The following RPRD2 variants were observed in gnomAD, a reference collection of about 807,000 sequenced individuals.
RPRD2 encodes regulation of nuclear pre-mRNA domain-containing protein 2.
A neutral mutation model predicts 104.4 loss-of-function variants in RPRD2; 12 were observed. The observed-to-expected ratio is 0.11, with a 90% confidence interval of 0.07 to 0.19. The LOEUF (loss-of-function observed/expected upper bound fraction) is 0.19. Among genes scored for constraint, RPRD2 ranks in the 10% least tolerant of loss-of-function variants. The pLI, the probability that RPRD2 is intolerant of heterozygous loss-of-function variation, is 1.00. For missense variants in RPRD2, 1,543 were observed against 1,790.1 expected, an observed-to-expected ratio of 0.86 and a Z score of 2.49; for synonymous variants, 714 against 684.9, an observed-to-expected ratio of 1.04 and a Z score of -0.66.
chr1:150,414,974 GACGTGCAT>G (rs1433610945), intron 1 of RPRD2, among the ~76,000 whole-genome samples: 1 of 152,084 alleles, frequency 6.6e-6, no homozygotes, highest in African/African-American at 2.4e-5. Flanking sequence ...AGATAGGAGA[GACGTGCAT>G]ATACATATGT....
In RPRD2 at chr1:150,364,655, CCCGCCGCCGCCG is replaced by C. The variant is rs373198505; in HGVS notation, c.-45_-34del. The C allele has an allele frequency of 1.9e-4, 169 of 895,758 alleles. 1 individual carries two copies. The highest frequency in any genetic ancestry group is 2.5e-4 in the Non-Finnish European group (146 of 587,482). The allele number at this position is 895,758 out of a possible 1,614,324, so 55.5% of individuals were successfully genotyped here. ...ACTCGCAGTGATTGTTTTGCCCGCTCCCGCCGCCGCCGCCGCCGCCGCCGCCAGAGGAGCAGC... is the reference window on the plus strand; with the variant it reads ...ACTCGCAGTGATTGTTTTGCCCGCTCCCGCCGCCGCCGCCAGAGGAGCAGC... On this transcript the variant is annotated 5_prime_UTR_variant, in exon 1 of 11. Transcript: ENST00000369068.
chr1:150,463,425 CTGT>C (rs1440619899), intron 9 of RPRD2, among the ~76,000 whole-genome samples: 1 of 152,144 alleles, frequency 6.6e-6, no homozygotes, highest in Non-Finnish European at 1.5e-5. Context: ...ATGAAAGCTT[CTGT>C]TGTTCCTTAC....
At chr1:150,433,711 T>G (rs1553892471) in intron 2 of RPRD2, among the ~76,000 whole-genome samples, 1 of 120,864 alleles carries the variant, frequency 8.3e-6, no homozygotes, top group East Asian at 1.9e-4. Context: ...CCCAAAGTGC[T>G]GGGATTACCA....
intron 7 of RPRD2, among the ~76,000 whole-genome samples, chr1:150,451,535 C>T (rs1022840578): frequency 6.6e-6 from 1 of 151,788 alleles, no homozygotes; most frequent in African/African-American, 2.4e-5. Context: ...ATTAGCCGGG[C>T]GCAGTGGCAG....
rs1187194947 is a variant in RPRD2 at position 150,398,206 on chromosome 1, A to ATTTTATTTTT, written c.206-19386_206-19385insATTTTTTTTT. On this transcript the variant is annotated intron_variant, in intron 1 of 10. Coordinates refer to ENST00000369068, the MANE Select transcript of RPRD2 (RefSeq NM_015203.5). ...TTTTATATTTATTTTATTTTATTTT[A>ATTTTATTTTT]TTTTTTTTGAGACGGAGTCTCGCTC... 5.2e-4 allele frequency among the ~76,000 whole-genome samples: 68 copies of ATTTTATTTTT among 129,874 alleles called. 1 individual carries two copies. The highest frequency in any genetic ancestry group is 1.2e-3 in the African/African-American group (40 of 34,756). 85.2% of individuals were successfully genotyped at this position (129,874 alleles called of 152,430 possible). A position where few individuals can be genotyped will look rare whatever the true frequency, so the allele number is the denominator to read the frequency against.
intron 1 of RPRD2, among the ~76,000 whole-genome samples, chr1:150,369,434 C>A (rs1266011399): frequency 2.1e-5 from 3 of 143,456 alleles, no homozygotes; most frequent in South Asian, 2.2e-4. Flanking sequence ...GCCACCACAC[C>A]TGGCTAATTT....
intron 1 of RPRD2, among the ~76,000 whole-genome samples, chr1:150,412,900 G>A (rs1664041410): frequency 6.6e-6 from 1 of 151,992 alleles, no homozygotes; most frequent in Non-Finnish European, 1.5e-5. Context: ...CCTGGGAGAT[G>A]TCTTGAGATA....
rs60436957 is a variant in RPRD2 at position 150,384,450 on chromosome 1, CATTATTATTATTATTATTATT to C, written c.205+19554_205+19574del. The stretch of plus-strand genomic sequence containing the variant: ...CAGAAGGAATAAAAGGCATCATCAT[CATTATTATTATTATTATTATT>C]ATTATTATTATTATTATTATTAGGG... On this transcript the variant is annotated intron_variant, in intron 1 of 10. Transcript: ENST00000369068. Among the ~76,000 whole-genome samples the C allele has an allele frequency of 7.0e-4, 92 of 132,346 alleles. 2 individuals are homozygous for C. The South Asian group carries it at 0.019, about 27-fold the overall frequency. The allele number at this position is 132,346 out of a possible 152,430, so 86.8% of individuals were successfully genotyped here.
chr1:150,377,374 G>T (rs1458647596), intron 1 of RPRD2, among the ~76,000 whole-genome samples: 1 of 152,038 alleles, frequency 6.6e-6, no homozygotes, highest in Non-Finnish European at 1.5e-5. Context: ...GCCGAGGCGG[G>T]CGGATCACGA....
chr1:150,421,023 A>G (rs1553889554), intron 2 of RPRD2, among the ~76,000 whole-genome samples: 1 of 152,220 alleles, frequency 6.6e-6, no homozygotes, highest in African/African-American at 2.4e-5. Context: ...CTAGCATGAA[A>G]GCACCAAACA....
intron 7 of RPRD2, among the ~76,000 whole-genome samples, chr1:150,452,757 G>A (rs1667280379): frequency 7.7e-6 from 1 of 129,876 alleles, no homozygotes; most frequent in African/African-American, 2.9e-5. Context: ...TGCAACCTCC[G>A]CCTCCCAGGT....
At chr1:150,396,245 G>T (rs1381425860) in intron 1 of RPRD2, among the ~76,000 whole-genome samples, 10 of 150,746 alleles carry the variant, frequency 6.6e-5, no homozygotes, top group Non-Finnish European at 1.5e-4. Context: ...ATAGATTCTG[G>T]AAATTAATCA....
chr1:150,440,779 C>T (rs1553894271), intron 2 of RPRD2, 144 bp from the exon 3 acceptor site: 19 of 589,974 alleles, frequency 3.2e-5, no homozygotes, highest in East Asian at 9.5e-5. Context: ...TTCTTTAGTC[C>T]TGGATATTAT....
chr1:150,471,544 A>G lies in RPRD2; in HGVS notation c.2596A>G (p.Thr866Ala). ...CCTGAAATCAAGCAAGCTGTCTGAT[A>G]CCACCGAGTACCAGCCAATTCTGTC... Reference protein sequence around the residue: ...SILKSSKLSDTTEYQPILSSY... With the variant: ...SILKSSKLSDATEYQPILSSY... The change falls in exon 11 of 11, where the codon ACC (threonine) becomes GCC (alanine). Residue 866 changes from threonine to alanine, a missense_variant. Physicochemically the swap from Thr to Ala is moderately conservative, Grantham distance 58. Transcript: ENST00000369068. The surrounding 1 kb of genome is among the most constrained non-coding windows in gnomAD (Gnocchi z 5.3). 6.2e-7 allele frequency: 1 copy of G among 1,613,834 alleles called. No individual in the cohort carries two copies. The highest frequency in any genetic ancestry group is 8.5e-7 in the Non-Finnish European group (1 of 1,179,872).
chr1:150,371,901 T>A (rs1029517464), intron 1 of RPRD2, among the ~76,000 whole-genome samples: 1 of 152,228 alleles, frequency 6.6e-6, no homozygotes, highest in African/African-American at 2.4e-5. Flanking sequence ...GATTTTAAAT[T>A]CTTGTGTTTT....
At chr1:150,389,099 C>T (rs1553882737) in intron 1 of RPRD2, among the ~76,000 whole-genome samples, 5 of 152,158 alleles carry the variant, frequency 3.3e-5, no homozygotes, top group South Asian at 2.1e-4. Flanking sequence ...TGCAGTGGTA[C>T]AATCACAGCT....
At chr1:150,446,067 C>CAAAAA (rs5777728) in intron 6 of RPRD2, among the ~76,000 whole-genome samples, 159 bp from the exon 7 acceptor site, 47 of 93,202 alleles carry the variant, frequency 5.0e-4, no homozygotes, top group Non-Finnish European at 6.2e-4. Flanking sequence ...GACTCCGTCT[C>CAAAAA]AAAAAAAAAA....
At chr1:150,397,021 T>A (rs1188969670) in intron 1 of RPRD2, among the ~76,000 whole-genome samples, 1 of 152,188 alleles carries the variant, frequency 6.6e-6, no homozygotes, top group Non-Finnish European at 1.5e-5. Flanking sequence ...TCGCCCAGGC[T>A]GGAGTGCAGT....
At chr1:150,414,286 A>G (rs1664162775) in intron 1 of RPRD2, among the ~76,000 whole-genome samples, 4 of 152,206 alleles carry the variant, frequency 2.6e-5, no homozygotes, top group Admixed American at 2.0e-4. Context: ...ATTGTTTTAC[A>G]TACATTGTTT....
Sources: allele counts gnomAD v4.1 joint callset (sites outside exome capture counted in the v4.1 genomes callset), GRCh38; gene constraint gnomAD v4.1.1; non-coding constraint Gnocchi (gnomAD v3.1); transcripts MANE v1.5; gene names NCBI Gene and HGNC (gene_info 2026-07-23, HGNC 2026-07-21).